The following ST3GAL4 variants were observed in gnomAD, a reference collection of about 807,000 sequenced individuals.
The protein encoded by ST3GAL4 is CMP-N-acetylneuraminate-beta-galactosamide-alpha-2,3-sialyltransferase 4.
ST3GAL4 carries 24 observed loss-of-function variants against 42.6 expected under a neutral mutation model. The observed-to-expected ratio is 0.56, with a 90% CI of 0.41 to 0.79. The LOEUF (loss-of-function observed/expected upper bound fraction) is 0.79. Among genes scored for constraint, ST3GAL4 ranks in the 30% least tolerant of loss-of-function variants. The pLI is 0.00. For missense variants in ST3GAL4, 311 were observed against 430.8 expected (o/e 0.72, Z 2.46); for synonymous variants, 135 against 163.2 (o/e 0.83, Z 1.32).
At chr11:126,390,387 A>C (rs1323567372) in intron 1 of ST3GAL4, among the ~76,000 whole-genome samples, 2 of 145,582 alleles carry the variant, frequency 1.4e-5, no homozygotes, top group Admixed American at 6.9e-5. Flanking sequence ...GGTTGTACTT[A>C]TATACTTCAA....
At position 126,409,519 on chromosome 11, in the gene ST3GAL4, G is replaced by T; in HGVS notation, c.771+108G>T. On this transcript the variant is annotated intron_variant, in intron 9 of 10. Transcript: ENST00000444328. This position sits in a 1 kb window ranked among gnomAD's most constrained non-coding sequence, Gnocchi z 4.9. ...GAAGGATCCCATAACAGAGGCGGCG[G>T]TTTGCATTTTCCCTCCAGGAACACA... 1 of 1,482,640 alleles carries T rather than the reference G, an allele frequency of 6.7e-7. No homozygotes were observed. Among genetic ancestry groups the T allele is most frequent in the Non-Finnish European group, 9.2e-7 (1 of 1,087,736 alleles). 91.8% of individuals were successfully genotyped at this position (1,482,640 alleles called of 1,614,324 possible).
Position 126,366,791 on chromosome 11 carries a change from T to A in ST3GAL4, c.-61+10949T>A, listed in dbSNP as rs138660493. On this transcript the variant is annotated intron_variant, in intron 1 of 10. Transcript: ENST00000444328. This position sits in a 1 kb window ranked among gnomAD's most constrained non-coding sequence, Gnocchi z 4.2. Reference sequence around the variant, plus strand: ...TGAGGGGAGGCGGGAGTGCAAGGTCTGCCGAGTGAGGGTTCCTTCCGGGAG... The same window carrying A: ...TGAGGGGAGGCGGGAGTGCAAGGTCAGCCGAGTGAGGGTTCCTTCCGGGAG... Among the ~76,000 whole-genome samples the A allele has an allele frequency of 6.6e-6, 1 of 152,160 alleles. No individual in the cohort carries two copies. Among genetic ancestry groups the A allele is most frequent in the Non-Finnish European group, 1.5e-5 (1 of 68,034 alleles).
At position 126,396,440 on chromosome 11, in the gene ST3GAL4, G is replaced by T. The variant is rs565723598; in HGVS notation, c.-60-9656G>T. Among the ~76,000 whole-genome samples the T allele has an allele frequency of 6.6e-4, 100 of 151,830 alleles. No individual in the cohort carries two copies. The highest frequency in any genetic ancestry group is 6.8e-3 in the Middle Eastern group (2 of 294). ...CGGATTCATGGAAGTCTGGTGTCCA[G>T]CTGGCAGGCATTAGTGGTCCCATGA... On this transcript the variant is annotated intron_variant, in intron 1 of 10. Transcript: ENST00000444328. This position sits in a 1 kb window ranked among gnomAD's most constrained non-coding sequence, Gnocchi z 5.8.
chr11:126,413,778 C>T, intron 10 of ST3GAL4, 130 bp downstream of exon 10: 1 of 1,437,528 alleles, frequency 7.0e-7, no homozygotes, highest in South Asian at 1.3e-5. Flanking sequence ...AACCGAGGCA[C>T]CTGGACTCCC....
chr11:126,392,622 A>G lies in ST3GAL4; in HGVS notation c.-60-13474A>G, dbSNP rs1478797059. On this transcript the variant is annotated intron_variant, in intron 1 of 10. Coordinates refer to ENST00000444328, the MANE Select transcript of ST3GAL4 (RefSeq NM_001254757.2). The surrounding 1 kb of genome is among the most constrained non-coding windows in gnomAD (Gnocchi z 5.8). ...TGTTTGCTGATGAATTCAGACCTCC[A>G]TTCATTTAAATATTTGTCAGTTATC... Among the ~76,000 whole-genome samples, 2 of 152,210 alleles carry G rather than the reference A, an allele frequency of 1.3e-5. No homozygotes were observed. The highest frequency in any genetic ancestry group is 2.9e-5 in the Non-Finnish European group (2 of 68,034).
chr11:126,406,208 C>T lies in ST3GAL4; in HGVS notation c.16+37C>T, dbSNP rs1194955045. On this transcript the variant is annotated intron_variant, in intron 2 of 10. Coordinates refer to ENST00000444328, the MANE Select transcript of ST3GAL4 (RefSeq NM_001254757.2). The surrounding 1 kb of genome is among the most constrained non-coding windows in gnomAD (Gnocchi z 5.4). ...CCGAGGGCTCCCCCACCCTGGAGGA[C>T]AGGCCTCAGAAGCCGTCTTCAGCAG... 2.6e-6 allele frequency: 4 copies of T among 1,555,952 alleles called. No individual in the cohort carries two copies. The East Asian group carries it at 9.7e-5, about 38-fold the overall frequency.
chr11:126,387,178 C>T (rs984059254), intron 1 of ST3GAL4, among the ~76,000 whole-genome samples: 1 of 152,210 alleles, frequency 6.6e-6, no homozygotes, highest in African/African-American at 2.4e-5. Context: ...ACATTGTCTG[C>T]TCATACAACT....
chr11:126,371,163 C>CTTTTTTTTTTTTTTATTTTT (rs1952629860), intron 1 of ST3GAL4, among the ~76,000 whole-genome samples: 1 of 59,974 alleles, frequency 1.7e-5, no homozygotes. Flanking sequence ...CCCCACATTC[C>CTTTTTTTTTTTTTTATTTTT]TTTTTTTTTT....
At chr11:126,407,689 G>A (rs1385317943) in intron 6 of ST3GAL4, 55 bp downstream of exon 6, 1 of 1,567,134 alleles carries the variant, frequency 6.4e-7, no homozygotes, top group East Asian at 2.2e-5. Context: ...CCTGCCCCCT[G>A]CCCGCTCCCC....
In ST3GAL4 at chr11:126,359,561, C is replaced by T. The variant is rs12226757; in HGVS notation, c.-61+3719C>T. Among the ~76,000 whole-genome samples, 6,531 of 152,218 alleles carry T rather than the reference C, an allele frequency of 0.043. 1,015 individuals are homozygous for T. In the East Asian group the frequency reaches 0.58, roughly 13 times the overall value. ...GAAGAAACAGATCCCAGCTCAAAGG[C>T]GTGAAGGGGTTTGCTCAAGGCCACA... On this transcript the variant is annotated intron_variant, in intron 1 of 10. Coordinates refer to ENST00000444328, the MANE Select transcript of ST3GAL4 (RefSeq NM_001254757.2). This position sits in a 1 kb window ranked among gnomAD's most constrained non-coding sequence, Gnocchi z 4.8.
chr11:126,369,097 G>C (rs1440990597), intron 1 of ST3GAL4, among the ~76,000 whole-genome samples: 1 of 152,188 alleles, frequency 6.6e-6, no homozygotes, highest in Non-Finnish European at 1.5e-5. Flanking sequence ...GACACAAGGA[G>C]GGCAAGTAGG....
At chr11:126,407,683 C>A (rs758352362) in intron 6 of ST3GAL4, 49 bp downstream of exon 6, 2 of 1,587,586 alleles carry the variant, frequency 1.3e-6, no homozygotes, top group East Asian at 2.2e-5. Context: ...CTATTTCCTG[C>A]CCCCTGCCCG....
rs1264812129 is a variant in ST3GAL4, at chr11:126,378,850, GT to G, written c.-61+23010del. ...ATATGGTTGAGGCTTTCATGGTCATGTTCAGATTTTATATATGTGTCTCATG... is the reference window on the plus strand; with the variant it reads ...ATATGGTTGAGGCTTTCATGGTCATGTCAGATTTTATATATGTGTCTCATG... On this transcript the variant is annotated intron_variant, in intron 1 of 10. Transcript: ENST00000444328. The surrounding 1 kb of genome is among the most constrained non-coding windows in gnomAD (Gnocchi z 5.3). Among the ~76,000 whole-genome samples, 1 of 152,178 alleles carries G rather than the reference GT, an allele frequency of 6.6e-6. No individual in the cohort carries two copies. The highest frequency in any genetic ancestry group is 1.5e-5 in the Non-Finnish European group (1 of 68,034).
rs915312306 is a variant in ST3GAL4 at position 126,379,175 on chromosome 11, A to G, written c.-61+23333A>G. Among the ~76,000 whole-genome samples, 1 of 152,186 alleles carries G rather than the reference A, an allele frequency of 6.6e-6. No homozygotes were observed. The highest frequency in any genetic ancestry group is 1.5e-5 in the Non-Finnish European group (1 of 68,030). On this transcript the variant is annotated intron_variant, in intron 1 of 10. Transcript: ENST00000444328. The surrounding 1 kb of genome is among the most constrained non-coding windows in gnomAD (Gnocchi z 4.2). ...GTGTATGGGAGCAGGTTCTAATATT[A>G]GTTGTGATTCTTTCCATTTATCTAG...
At chr11:126,403,240 C>T (rs149826059) in intron 1 of ST3GAL4, 16 of 367,764 alleles carry the variant, frequency 4.4e-5, no homozygotes, top group Middle Eastern at 1.4e-3. Flanking sequence ...GCAACACTGA[C>T]GCTGTTTTGG....
chr11:126,371,238 C>A (rs1000306384), intron 1 of ST3GAL4, among the ~76,000 whole-genome samples: 10 of 130,374 alleles, frequency 7.7e-5, no homozygotes, highest in Non-Finnish European at 1.4e-4. Flanking sequence ...GATCTCGGCT[C>A]ACTGCAATCT....
intron 1 of ST3GAL4, among the ~76,000 whole-genome samples, chr11:126,387,333 C>CT (rs1360387567): frequency 6.6e-6 from 1 of 152,120 alleles, no homozygotes; most frequent in Non-Finnish European, 1.5e-5. Context: ...TTTCTTCCTC[C>CT]TTTTTTTAAA....
At chr11:126,413,368 C>A in intron 9 of ST3GAL4, 137 bp from the exon 10 acceptor site, 1 of 1,078,328 alleles carries the variant, frequency 9.3e-7, no homozygotes, top group Non-Finnish European at 1.3e-6. Context: ...TGCTCGTTAG[C>A]TCGTGGCTTG....
chr11:126,361,249 C>T (rs1322777225), intron 1 of ST3GAL4, among the ~76,000 whole-genome samples: 5 of 152,164 alleles, frequency 3.3e-5, no homozygotes, highest in African/African-American at 1.2e-4. Flanking sequence ...TTTGGAAGAG[C>T]GAGGGGTTCA....
Sources: gnomAD v4.1 joint callset for allele counts (sites outside exome capture counted in the v4.1 genomes callset) on GRCh38, gnomAD v4.1.1 for gene constraint, Gnocchi (gnomAD v3.1) non-coding constraint, MANE v1.5 for transcripts, NCBI Gene and HGNC (gene_info 2026-07-23, HGNC 2026-07-21) for gene names.